ATRNL1: variants seen among roughly 807,000 people sequenced by gnomAD.
The protein encoded by ATRNL1 is attractin-like protein 1.
ATRNL1 carries 95 observed loss-of-function variants against 182.7 expected under a neutral mutation model. The observed-to-expected ratio is 0.52, with a 90% CI of 0.44 to 0.62. ATRNL1 has a LOEUF of 0.62. ATRNL1 is among the 20% of genes least tolerant of loss of function. The probability of loss-of-function intolerance (pLI) is 0.00; values close to 1 mark genes in which losing one functional copy is unlikely to be tolerated. For synonymous variants in ATRNL1, 576 were observed against 568.3 expected (o/e 1.01, Z -0.19); for missense variants, 1,471 against 1,679.5 (o/e 0.88, Z 2.17).
chr10:115,250,418 T>C (rs555147070), intron 10 of ATRNL1, among the ~76,000 whole-genome samples: 8 of 152,308 alleles, frequency 5.3e-5, no homozygotes, highest in African/African-American at 1.9e-4. Flanking sequence ...CACATACTAC[T>C]TTTTCCAACA....
chr10:115,129,666 T>C, intron 5 of ATRNL1, 131 bp downstream of exon 5: 1 of 656,520 alleles, frequency 1.5e-6, no homozygotes, highest in Non-Finnish European at 2.5e-6. Context: ...ATTTTTAGAA[T>C]GTTCAGATTA....
intron 20 of ATRNL1, among the ~76,000 whole-genome samples, chr10:115,420,876 ATACCAC>A (rs1845619874): frequency 6.6e-6 from 1 of 152,172 alleles, no homozygotes; most frequent in Non-Finnish European, 1.5e-5. Context: ...ATCGCAACTG[ATACCAC>A]AGCAATACAA....
At chr10:115,297,477 TA>T (rs1254997532) in intron 15 of ATRNL1, among the ~76,000 whole-genome samples, 1 of 151,014 alleles carries the variant, frequency 6.6e-6, no homozygotes, top group Non-Finnish European at 1.5e-5. Context: ...CCGTGTCTAC[TA>T]AAAAAAATAC....
intron 19 of ATRNL1, among the ~76,000 whole-genome samples, chr10:115,334,713 C>A (rs1432958455): frequency 2.0e-5 from 3 of 152,068 alleles, no homozygotes; most frequent in Admixed American, 6.6e-5. Flanking sequence ...CAAAAATAAT[C>A]ATTGCTGATA....
chr10:115,495,683 G>C (rs1297910019), intron 24 of ATRNL1, among the ~76,000 whole-genome samples: 2 of 146,308 alleles, frequency 1.4e-5, no homozygotes, highest in Non-Finnish European at 3.0e-5. Context: ...GTCTGAGAAT[G>C]CAGTTGGTAT....
chr10:115,376,895 A>G (rs1210365570), intron 19 of ATRNL1, among the ~76,000 whole-genome samples: 1 of 151,962 alleles, frequency 6.6e-6, no homozygotes, highest in East Asian at 1.9e-4. Flanking sequence ...TGCTTTCTTC[A>G]TTTTAAAAAG....
chr10:115,345,562 C>G (rs1182834171), intron 19 of ATRNL1, among the ~76,000 whole-genome samples: 1 of 152,140 alleles, frequency 6.6e-6, no homozygotes, highest in Non-Finnish European at 1.5e-5. Context: ...ACACCAGGTA[C>G]TATGAGGGCT....
chr10:115,484,661 A>G (rs1483133996), intron 24 of ATRNL1, among the ~76,000 whole-genome samples: 2 of 151,806 alleles, frequency 1.3e-5, no homozygotes, highest in Non-Finnish European at 2.9e-5. Flanking sequence ...GTATTTGAAC[A>G]TAAACTCTAC....
intron 9 of ATRNL1, among the ~76,000 whole-genome samples, chr10:115,230,885 G>GAGAGAGAT (rs1849899748): frequency 1.2e-5 from 1 of 81,518 alleles, no homozygotes. Flanking sequence ...GAGAGAGAGA[G>GAGAGAGAT]AGAGAGAGAG....
intron 25 of ATRNL1, among the ~76,000 whole-genome samples, chr10:115,545,339 T>C (rs1852593163): frequency 6.6e-6 from 1 of 152,042 alleles, no homozygotes; most frequent in African/African-American, 2.4e-5. Flanking sequence ...ATTTTTGATA[T>C]TTACTGGAGA....
chr10:115,935,437 A>G (rs1433751253), intron 28 of ATRNL1, among the ~76,000 whole-genome samples: 1 of 152,126 alleles, frequency 6.6e-6, no homozygotes, highest in Non-Finnish European at 1.5e-5. Context: ...ACCATAGCTG[A>G]TTTCACATCT....
At chr10:115,535,786 G>A (rs1344913470) in intron 25 of ATRNL1, among the ~76,000 whole-genome samples, 1 of 152,046 alleles carries the variant, frequency 6.6e-6, no homozygotes, top group African/African-American at 2.4e-5. Flanking sequence ...ATGGGTTTTC[G>A]GTGTGGATGT....
At chr10:115,200,913 T>C (rs1259077400) in intron 8 of ATRNL1, among the ~76,000 whole-genome samples, 26 of 150,292 alleles carry the variant, frequency 1.7e-4, no homozygotes, top group Admixed American at 1.1e-3. Flanking sequence ...TTTTAATGAT[T>C]GCCATTCTAA....
At chr10:115,465,520 C>T (rs1848010673) in intron 22 of ATRNL1, among the ~76,000 whole-genome samples, 1 of 151,560 alleles carries the variant, frequency 6.6e-6, no homozygotes, top group African/African-American at 2.4e-5. Flanking sequence ...ATAGGAAAAT[C>T]TCAATATGTT....
chr10:115,582,581 T>C (rs1855192822), intron 26 of ATRNL1, among the ~76,000 whole-genome samples: 1 of 130,554 alleles, frequency 7.7e-6, no homozygotes, highest in African/African-American at 2.6e-5. Context: ...CGCCCACTTT[T>C]TGATGGGTTT....
chr10:115,108,761 T>C (rs1289106717), intron 1 of ATRNL1, among the ~76,000 whole-genome samples: 1 of 152,074 alleles, frequency 6.6e-6, no homozygotes, highest in Non-Finnish European at 1.5e-5. Flanking sequence ...TGTTAGAAAA[T>C]GATTTGGGGC....
intron 8 of ATRNL1, among the ~76,000 whole-genome samples, chr10:115,179,938 T>A (rs951304904): frequency 6.6e-6 from 1 of 152,124 alleles, no homozygotes; most frequent in Non-Finnish European, 1.5e-5. Context: ...AACCCTTATT[T>A]ATGTATTTCT....
intron 28 of ATRNL1, among the ~76,000 whole-genome samples, chr10:115,856,448 A>AAAAAAAAAAAAAAAAAAAAAC (rs1555102095): frequency 6.8e-6 from 1 of 147,836 alleles, no homozygotes; most frequent in Non-Finnish European, 1.5e-5. Flanking sequence ...AAAAAAAAAA[A>AAAAAAAAAAAAAAAAAAAAAC]AAGCCATACA....
chr10:115,103,397 G>A (rs1324677552), intron 1 of ATRNL1, among the ~76,000 whole-genome samples: 1 of 151,940 alleles, frequency 6.6e-6, no homozygotes, highest in Non-Finnish European at 1.5e-5. Context: ...GTAGTTGGTA[G>A]TATTTCTTTT....
Sources: gnomAD v4.1 joint callset for allele counts (sites outside exome capture counted in the v4.1 genomes callset) on GRCh38, gnomAD v4.1.1 for gene constraint, MANE v1.5 for transcripts, NCBI Gene and HGNC (gene_info 2026-07-23, HGNC 2026-07-21) for gene names.